IGF2R: variants seen among roughly 807,000 people sequenced by gnomAD.
The protein encoded by IGF2R is insulin like growth factor 2 receptor.
In IGF2R, 91 loss-of-function variants were observed where a neutral mutation model predicts 270.6. The observed-to-expected ratio is 0.34, with a 90% confidence interval of 0.28 to 0.40. The LOEUF is 0.40. IGF2R is among the 10% of genes least tolerant of loss of function. IGF2R has a pLI of 1.00. For synonymous variants in IGF2R, 1,316 were observed against 1,258.9 expected (o/e 1.05, Z -0.96); for missense variants, 2,805 against 3,188.3 (o/e 0.88, Z 2.90).
At chr6:160,069,727 A>G in intron 30 of IGF2R, 141 bp from the exon 31 acceptor site, 1 of 715,442 alleles carries the variant, frequency 1.4e-6, no homozygotes, top group African/African-American at 1.8e-5. Flanking sequence ...GACTTATGTG[A>G]AAGAAATAGC....
chr6:160,093,214 A>C (rs3777398), intron 44 of IGF2R: 1 of 165,104 alleles, frequency 6.1e-6, no homozygotes, highest in Admixed American at 5.9e-5. Flanking sequence ...GTGCTTCCCC[A>C]AGCCTTGGTG....
At chr6:160,024,448 A>G in intron 4 of IGF2R, 124 bp from the exon 5 acceptor site, 4 of 896,588 alleles carry the variant, frequency 4.5e-6, no homozygotes, top group Non-Finnish European at 6.9e-6. Flanking sequence ...GTTCGTTATT[A>G]GGGGACACCA....
At chr6:160,100,586 A>T (rs1303166786) in intron 45 of IGF2R, among the ~76,000 whole-genome samples, 2 of 152,170 alleles carry the variant, frequency 1.3e-5, no homozygotes, top group African/African-American at 4.8e-5. Flanking sequence ...GAGACAGCAC[A>T]GTGAAAAGCA....
intron 2 of IGF2R, among the ~76,000 whole-genome samples, chr6:160,001,390 T>C (rs1784128559): frequency 6.6e-6 from 1 of 152,022 alleles, no homozygotes; most frequent in African/African-American, 2.4e-5. Flanking sequence ...GAAAACAAGC[T>C]CGGGGCTTCC....
chr6:160,075,642 A>C (rs972736821), intron 35 of IGF2R, among the ~76,000 whole-genome samples: 1 of 152,240 alleles, frequency 6.6e-6, no homozygotes, highest in Non-Finnish European at 1.5e-5. Context: ...GTTAGGATCA[A>C]AACGATAACC....
chr6:160,027,113 C>G, intron 5 of IGF2R, 72 bp from the exon 6 acceptor site: 1 of 1,543,324 alleles, frequency 6.5e-7, no homozygotes, highest in South Asian at 1.1e-5. Context: ...TTAAAGGGAC[C>G]CTGGGTCTAA....
chr6:159,980,214 A>AGAAGGAAAGAAG (rs1562330544), intron 1 of IGF2R, among the ~76,000 whole-genome samples: 1 of 138,422 alleles, frequency 7.2e-6, no homozygotes, highest in Non-Finnish European at 1.6e-5. Context: ...AAAGAAAGAA[A>AGAAGGAAAGAAG]GAAAGAAAGA....
At chr6:160,011,086 G>T (rs776493779) in intron 4 of IGF2R, among the ~76,000 whole-genome samples, 2 of 152,160 alleles carry the variant, frequency 1.3e-5, no homozygotes, top group Admixed American at 6.5e-5. Flanking sequence ...ACTAAGTGAC[G>T]TGTTTGGGCT....
intron 43 of IGF2R, among the ~76,000 whole-genome samples, chr6:160,089,654 G>A (rs754418886): frequency 2.6e-5 from 4 of 152,246 alleles, no homozygotes; most frequent in Non-Finnish European, 5.9e-5. Flanking sequence ...AGGGCCGTGT[G>A]GTGCTGGATA....
chr6:160,010,913 AC>A, intron 4 of IGF2R, 128 bp downstream of exon 4: 1 of 590,624 alleles, frequency 1.7e-6, no homozygotes. Flanking sequence ...GAGCAGAGAT[AC>A]CATGTGATTT....
At chr6:159,996,721 C>T (rs1303451140) in intron 2 of IGF2R, among the ~76,000 whole-genome samples, 1 of 152,206 alleles carries the variant, frequency 6.6e-6, no homozygotes, top group Non-Finnish European at 1.5e-5. Flanking sequence ...CTACGAGAGA[C>T]ACCTGTCCAT....
At chr6:159,978,653 T>TA (rs372542236) in intron 1 of IGF2R, among the ~76,000 whole-genome samples, 165 of 146,640 alleles carry the variant, frequency 1.1e-3, no homozygotes, top group African/African-American at 3.1e-3. Flanking sequence ...CTGTGCAACT[T>TA]AAAAAAAAAA....
intron 13 of IGF2R, among the ~76,000 whole-genome samples, chr6:160,045,037 A>G (rs1386066277): frequency 1.3e-5 from 2 of 152,212 alleles, no homozygotes; most frequent in Non-Finnish European, 2.9e-5. Context: ...GTTAATTTTC[A>G]TTACCTTTAT....
chr6:159,987,122 G>A (rs1783899816), intron 1 of IGF2R, among the ~76,000 whole-genome samples: 1 of 152,080 alleles, frequency 6.6e-6, no homozygotes, highest in Admixed American at 6.5e-5. Flanking sequence ...TAGGGGCTTG[G>A]CCTTTAATCT....
intron 22 of IGF2R, among the ~76,000 whole-genome samples, chr6:160,060,257 G>T (rs973408162): frequency 6.6e-6 from 1 of 151,956 alleles, no homozygotes; most frequent in Non-Finnish European, 1.5e-5. Flanking sequence ...GAGCGAGTGT[G>T]TAAACCTGTC....
In IGF2R at chr6:160,066,140, G is replaced by C. The variant is rs539797795; in HGVS notation, c.4115+1239G>C. 1.2e-3 allele frequency among the ~76,000 whole-genome samples: 174 copies of C among 150,936 alleles called. 1 individual carries two copies. Among genetic ancestry groups the C allele is most frequent in the African/African-American group, 4.2e-3 (171 of 41,104 alleles). On this transcript the variant is annotated intron_variant, in intron 29 of 47. Transcript: ENST00000356956. ...AGTGACTCTCCTGCCTCAGCCTCCC[G>C]AGTAGCTGGGATTACAGGCGCCCGC...
intron 11 of IGF2R, 28 bp from the exon 12 acceptor site, chr6:160,043,120 G>C (rs529006666): frequency 6.2e-7 from 1 of 1,611,604 alleles, no homozygotes; most frequent in Non-Finnish European, 8.5e-7. Context: ...ATTGCTTTTG[G>C]CTAAAATACA....
chr6:160,016,972 T>C (rs1419087961), intron 4 of IGF2R, among the ~76,000 whole-genome samples: 4 of 152,212 alleles, frequency 2.6e-5, no homozygotes, highest in Admixed American at 1.3e-4. Context: ...CAGGGTGTTA[T>C]AGCACCCTGA....
At chr6:160,002,487 T>C (rs1268715308) in intron 2 of IGF2R, among the ~76,000 whole-genome samples, 1 of 152,200 alleles carries the variant, frequency 6.6e-6, no homozygotes, top group Admixed American at 6.5e-5. Context: ...CTTATTGTCT[T>C]CATGTTGCGT....
Sources: allele counts gnomAD v4.1 joint callset (sites outside exome capture counted in the v4.1 genomes callset), GRCh38; gene constraint gnomAD v4.1.1; transcripts MANE v1.5; gene names NCBI Gene and HGNC (gene_info 2026-07-23, HGNC 2026-07-21).